The following NALCN variants were observed in gnomAD, a reference collection of about 807,000 sequenced individuals.
NALCN encodes sodium leak channel NALCN.
In NALCN, 111 loss-of-function variants were observed where a neutral mutation model predicts 225.3. The observed-to-expected ratio is 0.49, with a 90% CI of 0.42 to 0.58. The LOEUF (loss-of-function observed/expected upper bound fraction) is 0.58, where lower values mean the gene tolerates loss of function less well. NALCN is among the 20% of genes least tolerant of loss of function. NALCN has a pLI of 0.00. For synonymous variants in NALCN, 764 were observed against 769.0 expected (o/e 0.99, Z 0.11); for missense variants, 1,378 against 2,202.4 (o/e 0.63, Z 7.49).
At position 101,133,048 on chromosome 13, in the gene NALCN, T is replaced by C. The variant is rs145715703; in HGVS notation, c.2119-8367A>G. On this transcript the variant is annotated intron_variant, in intron 17 of 43. Transcript: ENST00000251127. ...TTATATTTTACACTTACTGATTCCT[T>C]AAAATCTGGGATCCATCAAAACTCT... 1.4e-3 allele frequency among the ~76,000 whole-genome samples: 209 copies of C among 152,316 alleles called. 1 individual carries two copies. Among genetic ancestry groups the C allele is most frequent in the African/African-American group, 4.7e-3 (195 of 41,584 alleles).
chr13:101,112,273 A>G (rs2035483240), intron 18 of NALCN, among the ~76,000 whole-genome samples: 1 of 152,052 alleles, frequency 6.6e-6, no homozygotes, highest in Non-Finnish European at 1.5e-5. Flanking sequence ...GCTTACTGGT[A>G]ACCAGTTACC....
chr13:101,099,522 T>C (rs567881915), intron 27 of NALCN, among the ~76,000 whole-genome samples: 2 of 152,272 alleles, frequency 1.3e-5, no homozygotes, highest in East Asian at 1.9e-4. Flanking sequence ...CATCATTTTA[T>C]TGGGATCAAA....
chr13:101,262,830 C>T (rs905749169), intron 10 of NALCN, among the ~76,000 whole-genome samples: 1 of 152,096 alleles, frequency 6.6e-6, no homozygotes, highest in Non-Finnish European at 1.5e-5. Flanking sequence ...AGGGGAGTTA[C>T]TTAAACCTCT....
intron 7 of NALCN, among the ~76,000 whole-genome samples, chr13:101,297,844 G>T (rs1442762173): frequency 6.6e-6 from 1 of 152,170 alleles, no homozygotes; most frequent in Non-Finnish European, 1.5e-5. Context: ...CAACTTTCTT[G>T]TTACTCAAGA....
chr13:101,093,448 A>G (rs953616643), intron 28 of NALCN, among the ~76,000 whole-genome samples: 1 of 152,234 alleles, frequency 6.6e-6, no homozygotes, highest in Non-Finnish European at 1.5e-5. Flanking sequence ...GACATTTATT[A>G]GATCGAAGGT....
At chr13:101,204,998 C>T (rs889629027) in intron 13 of NALCN, among the ~76,000 whole-genome samples, 3 of 152,124 alleles carry the variant, frequency 2.0e-5, no homozygotes, top group Non-Finnish European at 4.4e-5. Context: ...GGGTTTAAAT[C>T]AAGAACTCCA....
At chr13:101,118,822 C>T (rs2035837996) in intron 18 of NALCN, among the ~76,000 whole-genome samples, 1 of 152,182 alleles carries the variant, frequency 6.6e-6, no homozygotes, top group South Asian at 2.1e-4. Context: ...GTTTCTTTCT[C>T]TCATCTGTAG....
intron 30 of NALCN, 92 bp from the exon 31 acceptor site, chr13:101,083,896 T>C: frequency 8.6e-7 from 1 of 1,162,870 alleles, no homozygotes; most frequent in South Asian, 1.4e-5. Flanking sequence ...ACAGGACTGA[T>C]GTGAGGGCTT....
intron 28 of NALCN, among the ~76,000 whole-genome samples, chr13:101,095,195 C>T (rs1165312586): frequency 1.3e-5 from 2 of 152,108 alleles, no homozygotes; most frequent in Non-Finnish European, 2.9e-5. Flanking sequence ...ATTTAGGGTT[C>T]TATTATGAGG....
At chr13:101,326,800 T>C (rs2044968656) in intron 7 of NALCN, among the ~76,000 whole-genome samples, 1 of 152,218 alleles carries the variant, frequency 6.6e-6, no homozygotes, top group Non-Finnish European at 1.5e-5. Context: ...ATTCTTCTGC[T>C]GATCTCAGCT....
At chr13:101,256,257 A>T (rs2042225001) in intron 11 of NALCN, among the ~76,000 whole-genome samples, 1 of 152,112 alleles carries the variant, frequency 6.6e-6, no homozygotes, top group African/African-American at 2.4e-5. Context: ...CTTTGGTGGT[A>T]CCCGTCCTTT....
intron 41 of NALCN, among the ~76,000 whole-genome samples, chr13:101,060,339 G>A (rs188672869): frequency 3.0e-5 from 4 of 131,724 alleles, no homozygotes; most frequent in Admixed American, 8.2e-5. Flanking sequence ...TCAGTGGTGC[G>A]ATTATTATAG....
intron 17 of NALCN, among the ~76,000 whole-genome samples, chr13:101,142,539 A>C (rs1435553308): frequency 6.6e-6 from 1 of 152,154 alleles, no homozygotes; most frequent in Non-Finnish European, 1.5e-5. Context: ...CCCTACTGAT[A>C]CTTTGCTGTG....
At chr13:101,192,740 C>T (rs1358966730) in intron 13 of NALCN, among the ~76,000 whole-genome samples, 3 of 152,166 alleles carry the variant, frequency 2.0e-5, no homozygotes, top group Non-Finnish European at 4.4e-5. Flanking sequence ...AAAAATCTCA[C>T]ACACTTTCTG....
At chr13:101,409,592 G>A (rs148028037) in intron 1 of NALCN, among the ~76,000 whole-genome samples, 3,524 of 152,184 alleles carry the variant, frequency 0.023, 64 homozygotes, top group South Asian at 0.045. Context: ...AAACCAGAAA[G>A]GGGATACTTA....
At chr13:101,056,246 CTTTTTTTT>C (rs34583741) in intron 43 of NALCN, among the ~76,000 whole-genome samples, 2 of 45,828 alleles carry the variant, frequency 4.4e-5, no homozygotes, top group Admixed American at 3.4e-4. Context: ...AGTGGAAGTA[CTTTTTTTT>C]TTTTTTTTTT....
At chr13:101,224,525 T>C (rs1464435120) in intron 13 of NALCN, among the ~76,000 whole-genome samples, 1 of 152,202 alleles carries the variant, frequency 6.6e-6, no homozygotes, top group Admixed American at 6.5e-5. Context: ...ACAATCCCTC[T>C]TGCTGCAAAG....
chr13:101,363,922 A>C (rs1210798509), intron 6 of NALCN, among the ~76,000 whole-genome samples: 3 of 152,118 alleles, frequency 2.0e-5, no homozygotes, highest in Admixed American at 1.3e-4. Flanking sequence ...ATGGGCAAAA[A>C]ATCTGAATAG....
chr13:101,205,260 T>C (rs1238682048), intron 13 of NALCN, among the ~76,000 whole-genome samples: 2 of 152,056 alleles, frequency 1.3e-5, no homozygotes, highest in African/African-American at 2.4e-5. Context: ...TAATGAAAAA[T>C]AGATATCCTC....
Sources: gnomAD v4.1 joint callset for allele counts (sites outside exome capture counted in the v4.1 genomes callset) on GRCh38, gnomAD v4.1.1 for gene constraint, MANE v1.5 for transcripts, NCBI Gene and HGNC (gene_info 2026-07-23, HGNC 2026-07-21) for gene names.